The following RIPK4 variants were observed in gnomAD, a reference collection of about 807,000 sequenced individuals.
RIPK4 encodes receptor-interacting serine/threonine-protein kinase 4.
A neutral mutation model predicts 42.9 loss-of-function variants in RIPK4; 17 were observed. That is an observed-to-expected ratio of 0.40 (90% CI 0.27 to 0.59). The LOEUF (loss-of-function observed/expected upper bound fraction) is 0.59. Among genes scored for constraint, RIPK4 ranks in the 20% least tolerant of loss-of-function variants. The pLI, the probability that RIPK4 is intolerant of heterozygous loss-of-function variation, is 0.47. For synonymous variants in RIPK4, 498 were observed against 499.1 expected (o/e 1.00, Z 0.03); for missense variants, 897 against 1,104.4 (o/e 0.81, Z 2.66).
intron 6 of RIPK4, 88 bp downstream of exon 6, chr21:41,745,671 G>T: frequency 1.1e-6 from 1 of 936,862 alleles, no homozygotes; most frequent in African/African-American, 1.6e-5. Context: ...TGGTCCGGGC[G>T]GCGGGGGACT....
At chr21:41,749,850 C>T (rs534167654) in intron 3 of RIPK4, among the ~76,000 whole-genome samples, 1 of 129,404 alleles carries the variant, frequency 7.7e-6, no homozygotes, top group East Asian at 2.3e-4. Flanking sequence ...CGTTCATGTA[C>T]ATTACTCTGG....
At chr21:41,749,615 C>G (rs760835048) in intron 3 of RIPK4, among the ~76,000 whole-genome samples, 1 of 152,194 alleles carries the variant, frequency 6.6e-6, no homozygotes, top group Non-Finnish European at 1.5e-5. Flanking sequence ...CCCATGCCCT[C>G]CCCCAACAAT....
In RIPK4 at chr21:41,741,591, G is replaced by A; in HGVS notation, c.1602C>T (p.Asp534=). 6.2e-7 allele frequency: 1 copy of A among 1,612,076 alleles called. No homozygotes were observed. The highest frequency in any genetic ancestry group is 8.5e-7 in the Non-Finnish European group (1 of 1,180,032). The stretch of plus-strand genomic sequence containing the variant: ...CGTGCATGGGCGTCCGGCCCTCAAA[G>A]TCCACCTCGTTGACCGAGGCGTTCT... The part of the protein sequence containing the change: ...LEKNASVNEV[D]FEGRTPMHVA... The change falls in exon 8 of 8, where the codon GAC becomes GAT. Residue 534 remains aspartate, a synonymous_variant. Transcript: ENST00000332512.
At chr21:41,747,543 T>C (rs2061175531) in intron 4 of RIPK4, among the ~76,000 whole-genome samples, 1 of 152,196 alleles carries the variant, frequency 6.6e-6, no homozygotes, top group South Asian at 2.1e-4. Flanking sequence ...ACGCATGGAA[T>C]GGCAGCTCTT....
Position 41,766,497 on chromosome 21 carries a change from G to T in RIPK4, c.182+363C>A, listed in dbSNP as rs2061237180. On this transcript the variant is annotated intron_variant, in intron 1 of 7. Transcript: ENST00000332512. ...AGGGCGCGGGTCCGAGGCGCAAGGC[G>T]AGCTGGAGACCCCGAAAACCAGGGC... Among the ~76,000 whole-genome samples the T allele has an allele frequency of 2.6e-5, 4 of 152,272 alleles. No homozygotes were observed. The South Asian group carries it at 8.3e-4, about 32-fold the overall frequency.
rs1400578689 is a variant in RIPK4 at position 41,739,883 on chromosome 21, A to G, written c.*955T>C. ...AGGTGAGCAGTGCATCTACCTAGGT[A>G]ATACTGTCTATGTCTAGGTAATACT... On this transcript the variant is annotated 3_prime_UTR_variant, in exon 8 of 8. Coordinates refer to ENST00000332512, the MANE Select transcript of RIPK4 (RefSeq NM_020639.3). 1 of 152,290 alleles carries G rather than the reference A, an allele frequency of 6.6e-6. No individual in the cohort carries two copies. Among genetic ancestry groups the G allele is most frequent in the Non-Finnish European group, 1.5e-5 (1 of 68,052 alleles). 9.4% of individuals were successfully genotyped at this position (152,290 alleles called of 1,614,324 possible). A position where few individuals can be genotyped will look rare whatever the true frequency, so the allele number is the denominator to read the frequency against.
rs1601675778 is a variant in RIPK4, at chr21:41,744,803, A to G, written c.937-663T>C. 2.6e-5 allele frequency among the ~76,000 whole-genome samples: 4 copies of G among 152,230 alleles called. 1 individual carries two copies. In the South Asian group the frequency reaches 8.3e-4, roughly 32 times the overall value. ...CCTGGGGGCTGTGTGGGGACGAGGG[A>G]AAGGGGAAGGACCCGGCTACAGGGA... On this transcript the variant is annotated intron_variant, in intron 6 of 7. Coordinates refer to ENST00000332512, the MANE Select transcript of RIPK4 (RefSeq NM_020639.3).
At position 41,752,821 on chromosome 21, in the gene RIPK4, CGGT is replaced by C. The variant is rs2061192506; in HGVS notation, c.475-1579_475-1577del. ...GGGAACATCACACGCCGGGCCCTGT[CGGT>C]GCGTAGGGGAAGAGGGAAGGGAGAG... is the stretch of plus-strand genomic sequence containing the variant. On this transcript the variant is annotated intron_variant, in intron 2 of 7. Coordinates refer to ENST00000332512, the MANE Select transcript of RIPK4 (RefSeq NM_020639.3). 1.3e-5 allele frequency among the ~76,000 whole-genome samples: 2 copies of C among 152,026 alleles called. 1 individual carries two copies. Among genetic ancestry groups the C allele is most frequent in the South Asian group, 4.2e-4 (2 of 4,810 alleles).
At chr21:41,765,757 G>A (rs1300975020) in intron 1 of RIPK4, among the ~76,000 whole-genome samples, 1 of 152,330 alleles carries the variant, frequency 6.6e-6, no homozygotes, top group East Asian at 1.9e-4. Context: ...GGAATCTCTA[G>A]GTAAAATACA....
At position 41,746,942 on chromosome 21, in the gene RIPK4, C is replaced by T. The variant is rs2061173832; in HGVS notation, c.674-171G>A. On this transcript the variant is annotated intron_variant, in intron 4 of 7. Transcript: ENST00000332512. ...AAGGCAGAGCTTCCTGTAACCCTCA[C>T]CCTCATGGTGCGCCATGCTCTCTAG... The T allele has an allele frequency of 1.6e-5, 11 of 680,606 alleles. No individual in the cohort carries two copies. The East Asian group carries it at 2.9e-4, about 18-fold the overall frequency. The allele number at this position is 680,606 out of a possible 1,614,324, so 42.2% of individuals were successfully genotyped here. A position where few individuals can be genotyped will look rare whatever the true frequency, so the allele number is the denominator to read the frequency against.
chr21:41,756,891 AGAC>A, intron 1 of RIPK4, 75 bp from the exon 2 acceptor site: 1 of 1,499,224 alleles, frequency 6.7e-7, no homozygotes, highest in Admixed American at 1.9e-5. Context: ...CCTGGCCAGA[AGAC>A]GACCAGCTCC....
Position 41,755,975 on chromosome 21 carries a change from C to G in RIPK4, c.474+550G>C, listed in dbSNP as rs75442815. 6.6e-6 allele frequency among the ~76,000 whole-genome samples: 1 copy of G among 152,324 alleles called. No homozygotes were observed. The highest frequency in any genetic ancestry group is 1.9e-4 in the East Asian group (1 of 5,188). The stretch of plus-strand genomic sequence containing the variant: ...GCAAAAGCAAGCTCCATCTCCCAGG[C>G]GTTGCACTAACGCAACACGCTGCCA... On this transcript the variant is annotated intron_variant, in intron 2 of 7. Transcript: ENST00000332512. The surrounding 1 kb of genome is among the most constrained non-coding windows in gnomAD (Gnocchi z 4.2).
In RIPK4 at chr21:41,741,552, G is replaced by C. The variant is rs150110999; in HGVS notation, c.1641C>G (p.His547Gln). ...GRTPMHVACQ[H>Q]GQENIVRILL... ...GGATGCGCACGATATTCTCCTGCCC[G>C]TGCTGGCAGGCCACGTGCATGGGCG... Residue 547 changes from histidine to glutamine, a missense_variant, in exon 8 of 8, where the codon CAC becomes CAG. By Grantham distance (24) the His-to-Gln change is conservative. Coordinates refer to ENST00000332512, the MANE Select transcript of RIPK4 (RefSeq NM_020639.3). The C allele has an allele frequency of 1.9e-6, 3 of 1,611,876 alleles. No homozygotes were observed. The highest frequency in any genetic ancestry group is 2.5e-6 in the Non-Finnish European group (3 of 1,180,002).
chr21:41,749,889 T>TAAAAAAAAAAAAAAAAAA (rs776305508), intron 3 of RIPK4, among the ~76,000 whole-genome samples: 1 of 99,396 alleles, frequency 1.0e-5, no homozygotes, highest in Non-Finnish European at 2.1e-5. Context: ...CCAAATTGAT[T>TAAAAAAAAAAAAAAAAAA]AAAAAAAAAA....
At chr21:41,754,542 C>T (rs2061197393) in intron 2 of RIPK4, among the ~76,000 whole-genome samples, 1 of 152,212 alleles carries the variant, frequency 6.6e-6, no homozygotes, top group Non-Finnish European at 1.5e-5. Flanking sequence ...TTCCAGGCAG[C>T]ATCCGCCCCC....
rs906211561 is a variant in RIPK4, at chr21:41,755,342, T to C, written c.474+1183A>G. 1.3e-5 allele frequency among the ~76,000 whole-genome samples: 2 copies of C among 152,158 alleles called. No homozygotes were observed. Among genetic ancestry groups the C allele is most frequent in the African/African-American group, 4.8e-5 (2 of 41,430 alleles). On this transcript the variant is annotated intron_variant, in intron 2 of 7. Transcript: ENST00000332512. The surrounding 1 kb of genome is among the most constrained non-coding windows in gnomAD (Gnocchi z 4.2). ...ACCTACCTAAGAGACAACTTATAAT[T>C]ACTGCCCGAAGTGAAAAATTGACCT...
chr21:41,757,259 G>C (rs1353253843), intron 1 of RIPK4, among the ~76,000 whole-genome samples: 1 of 152,074 alleles, frequency 6.6e-6, no homozygotes, highest in Admixed American at 6.5e-5. Context: ...GGTGGCTCAT[G>C]CCTGTAATCC....
chr21:41,763,102 G>GC (rs963296921), intron 1 of RIPK4, among the ~76,000 whole-genome samples: 16 of 152,074 alleles, frequency 1.1e-4, no homozygotes, highest in African/African-American at 3.4e-4. Context: ...AACGGGAAAA[G>GC]CCCCCCCTCC....
intron 1 of RIPK4, among the ~76,000 whole-genome samples, chr21:41,766,003 G>T (rs1371285618): frequency 6.6e-6 from 1 of 152,196 alleles, no homozygotes; most frequent in African/African-American, 2.4e-5. Flanking sequence ...TTGTTACCTT[G>T]AACACTCCTG....
Sources: gnomAD v4.1 joint callset for allele counts (sites outside exome capture counted in the v4.1 genomes callset) on GRCh38, gnomAD v4.1.1 for gene constraint, Gnocchi (gnomAD v3.1) non-coding constraint, MANE v1.5 for transcripts, NCBI Gene and HGNC (gene_info 2026-07-23, HGNC 2026-07-21) for gene names.